Variants in TMCC1 observed in about 807,000 individuals in gnomAD.
TMCC1 encodes transmembrane and coiled-coil domains protein 1.
TMCC1 carries 15 observed loss-of-function variants against 52.4 expected under a neutral mutation model. The ratio of observed to expected loss-of-function variants is 0.29; its 90% CI spans 0.19 to 0.44. TMCC1 has a LOEUF of 0.44. Ranked by LOEUF, TMCC1 falls within the 20% of genes least tolerant of loss-of-function variation. TMCC1 has a pLI of 1.00. For missense variants in TMCC1, 503 were observed against 806.0 expected (o/e 0.62, Z 4.55); for synonymous variants, 279 against 301.9 (o/e 0.92, Z 0.79).
At chr3:129,681,594 G>C (rs549820921) in intron 4 of TMCC1, among the ~76,000 whole-genome samples, 3 of 152,082 alleles carry the variant, frequency 2.0e-5, no homozygotes, top group Admixed American at 6.5e-5. Context: ...TAAGCCACTA[G>C]AACACAGTGC....
At chr3:129,714,102 A>C (rs2048894306) in intron 4 of TMCC1, among the ~76,000 whole-genome samples, 1 of 152,350 alleles carries the variant, frequency 6.6e-6, no homozygotes, top group Non-Finnish European at 1.5e-5. Context: ...ATAAGGAAGA[A>C]AGCGACATCA....
At chr3:129,792,964 A>T (rs978814077) in intron 4 of TMCC1, among the ~76,000 whole-genome samples, 1 of 152,190 alleles carries the variant, frequency 6.6e-6, no homozygotes, top group Non-Finnish European at 1.5e-5. Flanking sequence ...CAAAATACCC[A>T]TAATATAGTT....
intron 4 of TMCC1, among the ~76,000 whole-genome samples, chr3:129,761,717 G>T (rs2053610634): frequency 6.6e-6 from 1 of 152,096 alleles, no homozygotes; most frequent in African/African-American, 2.4e-5. Context: ...AGAGCTGGAT[G>T]CAGTGGCTCA....
intron 4 of TMCC1, among the ~76,000 whole-genome samples, chr3:129,771,797 A>AAAG (rs1344907598): frequency 0.08 from 6,843 of 86,044 alleles, 1,554 homozygotes; most frequent in East Asian, 0.4. Context: ...AAAAAAAAAA[A>AAAG]AAGAAGAAGA....
intron 2 of TMCC1, among the ~76,000 whole-genome samples, chr3:129,833,694 A>G (rs929493775): frequency 9.8e-5 from 15 of 152,330 alleles, no homozygotes; most frequent in African/African-American, 3.1e-4. Context: ...AAGAGTTCTA[A>G]GACCAGCTTG....
chr3:129,887,300 T>C (rs549954553), intron 1 of TMCC1, among the ~76,000 whole-genome samples: 1 of 152,080 alleles, frequency 6.6e-6, no homozygotes, highest in African/African-American at 2.4e-5. Flanking sequence ...TCCCAGCACT[T>C]TGGGAGGCCA....
At chr3:129,753,725 A>T (rs1409015594) in intron 4 of TMCC1, among the ~76,000 whole-genome samples, 1 of 152,104 alleles carries the variant, frequency 6.6e-6, no homozygotes, top group East Asian at 1.9e-4. Flanking sequence ...TCTATGAAAA[A>T]CCTATAGCTG....
At chr3:129,712,899 T>C (rs1339135926) in intron 4 of TMCC1, among the ~76,000 whole-genome samples, 1 of 152,134 alleles carries the variant, frequency 6.6e-6, no homozygotes, top group Admixed American at 6.6e-5. Flanking sequence ...ACTGAACATA[T>C]CTAATTGTGT....
At chr3:129,882,807 G>C (rs1052891897) in intron 1 of TMCC1, among the ~76,000 whole-genome samples, 1 of 152,112 alleles carries the variant, frequency 6.6e-6, no homozygotes, top group East Asian at 1.9e-4. Flanking sequence ...ACTTATATGA[G>C]GTACCTAGGG....
At chr3:129,705,672 G>C (rs1302049108) in intron 4 of TMCC1, among the ~76,000 whole-genome samples, 1 of 141,970 alleles carries the variant, frequency 7.0e-6, no homozygotes, top group Non-Finnish European at 1.5e-5. Context: ...GCGCCATCTC[G>C]GCTCACTGCA....
chr3:129,881,080 T>G (rs1222681954), intron 1 of TMCC1, among the ~76,000 whole-genome samples: 1 of 152,074 alleles, frequency 6.6e-6, no homozygotes, highest in Non-Finnish European at 1.5e-5. Context: ...GCCAGGCTGG[T>G]CTTGATCTCC....
intron 4 of TMCC1, among the ~76,000 whole-genome samples, chr3:129,725,177 G>A (rs1337627728): frequency 6.6e-6 from 1 of 152,124 alleles, no homozygotes; most frequent in Non-Finnish European, 1.5e-5. Context: ...GCAATGGTGT[G>A]ATTTCAGCTC....
chr3:129,703,761 G>A (rs769843496), intron 4 of TMCC1, among the ~76,000 whole-genome samples: 18 of 152,346 alleles, frequency 1.2e-4, no homozygotes, highest in Admixed American at 6.5e-4. Context: ...ATGAATAAAT[G>A]AGGAGGAGAA....
chr3:129,792,597 CTAACA>C (rs2056554205), intron 4 of TMCC1, among the ~76,000 whole-genome samples: 1 of 152,170 alleles, frequency 6.6e-6, no homozygotes, highest in Non-Finnish European at 1.5e-5. Context: ...TTTAAACTCA[CTAACA>C]TAACTATTCG....
intron 4 of TMCC1, among the ~76,000 whole-genome samples, chr3:129,713,882 T>C (rs1409808539): frequency 6.6e-6 from 1 of 152,226 alleles, no homozygotes; most frequent in African/African-American, 2.4e-5. Flanking sequence ...TTGTTTTTAA[T>C]TAACAGATTC....
chr3:129,786,466 T>C (rs2056043524), intron 4 of TMCC1, among the ~76,000 whole-genome samples: 2 of 152,312 alleles, frequency 1.3e-5, no homozygotes, highest in East Asian at 1.9e-4. Context: ...CTAAGTCATA[T>C]TCTTGAGATA....
intron 6 of TMCC1, among the ~76,000 whole-genome samples, chr3:129,652,032 C>T (rs1437391011): frequency 6.6e-6 from 1 of 152,268 alleles, no homozygotes; most frequent in Admixed American, 6.5e-5. Flanking sequence ...GCAGTGGCCA[C>T]ACTTAACATT....
chr3:129,660,237 T>G (rs2086934879), intron 5 of TMCC1, among the ~76,000 whole-genome samples: 1 of 152,186 alleles, frequency 6.6e-6, no homozygotes, highest in Non-Finnish European at 1.5e-5. Context: ...GGTCTCAATC[T>G]CCTAGGCTCT....
intron 4 of TMCC1, among the ~76,000 whole-genome samples, chr3:129,778,674 T>G (rs369022858): frequency 4.2e-3 from 587 of 138,448 alleles, no homozygotes; most frequent in Middle Eastern, 7.2e-3. Flanking sequence ...TAGATCATGG[T>G]GGGGGGGGGG....
Sources: gnomAD v4.1 joint callset for allele counts (sites outside exome capture counted in the v4.1 genomes callset) on GRCh38, gnomAD v4.1.1 for gene constraint, MANE v1.5 for transcripts, NCBI Gene and HGNC (gene_info 2026-07-23, HGNC 2026-07-21) for gene names.